Variants in CWC27 observed in about 807,000 individuals in gnomAD.
CWC27 encodes CWC27 spliceosome associated cyclophilin, also known as spliceosome-associated protein CWC27 homolog.
A neutral mutation model predicts 63.6 loss-of-function variants in CWC27; 47 were observed. That is an observed-to-expected ratio of 0.74 (90% confidence interval 0.58 to 0.94). The LOEUF is 0.94. Among genes scored for constraint, CWC27 ranks in the 40% least tolerant of loss-of-function variants. CWC27 has a pLI of 0.00. For synonymous variants in CWC27, 175 were observed against 179.8 expected (o/e 0.97, Z 0.22); for missense variants, 495 against 554.3 (o/e 0.89, Z 1.07).
At chr5:64,789,221 G>C (rs771377427) in intron 7 of CWC27, among the ~76,000 whole-genome samples, 3 of 151,558 alleles carry the variant, frequency 2.0e-5, no homozygotes, top group Non-Finnish European at 4.4e-5. Context: ...TTTAATGTTG[G>C]CATTTTAAAA....
intron 11 of CWC27, among the ~76,000 whole-genome samples, chr5:64,913,022 A>G (rs1313935107): frequency 1.3e-5 from 2 of 152,182 alleles, no homozygotes; most frequent in Non-Finnish European, 2.9e-5. Context: ...TTCATATTAA[A>G]TGAGGCAATA....
intron 11 of CWC27, among the ~76,000 whole-genome samples, chr5:64,938,548 C>T (rs1270321215): frequency 1.3e-5 from 2 of 152,126 alleles, no homozygotes; most frequent in Non-Finnish European, 2.9e-5. Context: ...TTTTTTCCTT[C>T]ATTTCATCCT....
At chr5:64,961,845 A>C (rs1748917361) in intron 11 of CWC27, among the ~76,000 whole-genome samples, 1 of 152,212 alleles carries the variant, frequency 6.6e-6, no homozygotes, top group Non-Finnish European at 1.5e-5. Flanking sequence ...AGATAATCAA[A>C]ACACCCTAGC....
At chr5:64,780,948 A>T (rs1351210809) in intron 2 of CWC27, among the ~76,000 whole-genome samples, 1 of 152,082 alleles carries the variant, frequency 6.6e-6, no homozygotes, top group Non-Finnish European at 1.5e-5. Context: ...TTTGTTATGC[A>T]TGTTGGTCAT....
At chr5:64,812,466 A>G (rs1041066784) in intron 10 of CWC27, among the ~76,000 whole-genome samples, 6 of 152,162 alleles carry the variant, frequency 3.9e-5, no homozygotes, top group African/African-American at 7.2e-5. Context: ...CAAGATCTAT[A>G]TACTGGGTAG....
chr5:64,898,249 T>C (rs1034801721), intron 11 of CWC27, among the ~76,000 whole-genome samples: 3 of 152,104 alleles, frequency 2.0e-5, no homozygotes, highest in Non-Finnish European at 2.9e-5. Flanking sequence ...GCAGTACTTA[T>C]AAGCAGTTAT....
intron 13 of CWC27, among the ~76,000 whole-genome samples, chr5:64,996,073 T>A (rs1749626086): frequency 1.3e-5 from 2 of 152,206 alleles, no homozygotes; most frequent in South Asian, 4.1e-4. Context: ...CATGCTTGAT[T>A]GCCATTTTCT....
At chr5:64,829,641 CTTT>C (rs564183984) in intron 10 of CWC27, among the ~76,000 whole-genome samples, 218 of 126,208 alleles carry the variant, frequency 1.7e-3, no homozygotes, top group African/African-American at 6.1e-3. Flanking sequence ...CTTTTATTCA[CTTT>C]TTTTTTTTTT....
chr5:64,927,670 C>A (rs1748145846), intron 11 of CWC27, among the ~76,000 whole-genome samples: 1 of 152,208 alleles, frequency 6.6e-6, no homozygotes, highest in Non-Finnish European at 1.5e-5. Flanking sequence ...TCTGCCTCAC[C>A]CCTGCTCATT....
At chr5:64,973,121 AAAAG>A (rs1749155070) in intron 12 of CWC27, among the ~76,000 whole-genome samples, 1 of 152,242 alleles carries the variant, frequency 6.6e-6, no homozygotes, top group Non-Finnish European at 1.5e-5. Flanking sequence ...GCAAAGAACT[AAAAG>A]ATATTAAATA....
chr5:65,004,365 T>C (rs531766441), intron 13 of CWC27, among the ~76,000 whole-genome samples: 2 of 147,892 alleles, frequency 1.4e-5, no homozygotes, highest in South Asian at 4.3e-4. Context: ...TGGTGTCCCA[T>C]ATGTTGTATA....
At chr5:64,897,774 C>T (rs1007456462) in intron 11 of CWC27, among the ~76,000 whole-genome samples, 3 of 152,004 alleles carry the variant, frequency 2.0e-5, no homozygotes, top group African/African-American at 2.4e-5. Context: ...ACAATCAAAT[C>T]GTTAAGGCAA....
At chr5:64,930,659 A>C (rs1288962413) in intron 11 of CWC27, among the ~76,000 whole-genome samples, 3 of 152,172 alleles carry the variant, frequency 2.0e-5, no homozygotes, top group African/African-American at 4.8e-5. Context: ...TGCTGGATGA[A>C]GAACAGTATA....
intron 10 of CWC27, among the ~76,000 whole-genome samples, chr5:64,814,079 AT>A (rs74634111): frequency 0.17 from 24,212 of 142,394 alleles, 2,213 homozygotes; most frequent in East Asian, 0.38. Flanking sequence ...TTTTTTTGCG[AT>A]TTTTTTTTTT....
At chr5:64,955,675 A>T (rs1395491113) in intron 11 of CWC27, among the ~76,000 whole-genome samples, 1 of 152,132 alleles carries the variant, frequency 6.6e-6, no homozygotes, top group Non-Finnish European at 1.5e-5. Context: ...TTTGTCAGAG[A>T]TGTCATTAAT....
intron 11 of CWC27, among the ~76,000 whole-genome samples, chr5:64,949,526 AAC>A (rs551774445): frequency 1.9e-3 from 285 of 152,032 alleles, no homozygotes; most frequent in African/African-American, 6.6e-3. Flanking sequence ...GCTTTTCTGA[AAC>A]ACAAACACGA....
chr5:64,782,011 C>G lies in CWC27; in HGVS notation c.230C>G (p.Ser77Cys). ...ACTGGCACAGGGAGTGGTGGAGAGT[C>G]TATCTATGGAGCGCCATTCAAAGTA... ...DPTGTGSGGE[S>C]IYGAPFKDEF... The change falls in exon 3 of 14, where the codon TCT becomes TGT. Residue 77 changes from serine to cysteine, a missense_variant. Transcript: ENST00000381070. 1 of 1,571,086 alleles carries G rather than the reference C, an allele frequency of 6.4e-7. No homozygotes were observed. Among genetic ancestry groups the G allele is most frequent in the Non-Finnish European group, 8.7e-7 (1 of 1,148,174 alleles).
chr5:64,925,014 G>T (rs529814579), intron 11 of CWC27, among the ~76,000 whole-genome samples: 1 of 151,614 alleles, frequency 6.6e-6, no homozygotes, highest in Non-Finnish European at 1.5e-5. Context: ...AAAGAAATGT[G>T]TAGTTAGCAA....
chr5:64,825,951 G>C (rs776314776), intron 10 of CWC27, among the ~76,000 whole-genome samples: 10 of 152,208 alleles, frequency 6.6e-5, no homozygotes, highest in Non-Finnish European at 1.3e-4. Context: ...AATTTCGTCT[G>C]TGAATAGTAG....
Sources: gnomAD v4.1 joint callset for allele counts (sites outside exome capture counted in the v4.1 genomes callset) on GRCh38, gnomAD v4.1.1 for gene constraint, MANE v1.5 for transcripts, NCBI Gene and HGNC (gene_info 2026-07-23, HGNC 2026-07-21) for gene names.